The following MOB3B variants were observed in gnomAD, a reference collection of about 807,000 sequenced individuals.
MOB3B encodes MOB kinase activator-like 2B.
MOB3B carries 7 observed loss-of-function variants against 18.7 expected under a neutral mutation model. The observed-to-expected ratio is 0.37, with a 90% CI of 0.21 to 0.70. The LOEUF (loss-of-function observed/expected upper bound fraction) is 0.70. MOB3B is among the 30% of genes least tolerant of loss of function. The pLI is 0.52. For synonymous variants in MOB3B, 111 were observed against 99.9 expected, an observed-to-expected ratio of 1.11 and a Z score of -0.66; for missense variants, 253 against 281.3, an observed-to-expected ratio of 0.90 and a Z score of 0.72.
chr9:27,352,148 A>G (rs1375597424), intron 3 of MOB3B, among the ~76,000 whole-genome samples: 1 of 152,202 alleles, frequency 6.6e-6, no homozygotes, highest in Non-Finnish European at 1.5e-5. Context: ...TGGGAGGTCA[A>G]GGCAGAAGGA....
At chr9:27,444,570 G>C (rs1010521413) in intron 2 of MOB3B, among the ~76,000 whole-genome samples, 3 of 152,072 alleles carry the variant, frequency 2.0e-5, no homozygotes, top group East Asian at 1.9e-4. Flanking sequence ...CAGAAAACAG[G>C]GAATTATAGA....
At chr9:27,421,097 T>C (rs959856418) in intron 2 of MOB3B, 4 of 148,630 alleles carry the variant, frequency 2.7e-5, no homozygotes, top group Non-Finnish European at 6.0e-5. Context: ...CTCACCTCCA[T>C]TTTTTTTTTT....
At chr9:27,470,487 C>A (rs1174607918) in intron 1 of MOB3B, among the ~76,000 whole-genome samples, 1 of 152,156 alleles carries the variant, frequency 6.6e-6, no homozygotes, top group Non-Finnish European at 1.5e-5. Context: ...CCATAATCCT[C>A]CAGCCTCCAG....
At chr9:27,338,949 C>A (rs1038883466) in intron 3 of MOB3B, among the ~76,000 whole-genome samples, 2 of 152,220 alleles carry the variant, frequency 1.3e-5, no homozygotes, top group Admixed American at 6.5e-5. Context: ...CCCTCAGTTG[C>A]ATCCTTGGTG....
intron 2 of MOB3B, among the ~76,000 whole-genome samples, chr9:27,365,951 C>T (rs1303038879): frequency 1.3e-5 from 2 of 152,204 alleles, no homozygotes; most frequent in Admixed American, 6.5e-5. Flanking sequence ...GAATCCAAAC[C>T]AATCACTGAT....
chr9:27,481,105 AAAG>A (rs1406364632), intron 1 of MOB3B, among the ~76,000 whole-genome samples: 1 of 152,210 alleles, frequency 6.6e-6, no homozygotes, highest in African/African-American at 2.4e-5. Context: ...CTAATCTCTG[AAAG>A]AATAAAACAG....
intron 3 of MOB3B, among the ~76,000 whole-genome samples, chr9:27,357,891 A>AAAAAAAAAAAAAAAAT (rs1268411700): frequency 3.4e-5 from 1 of 29,600 alleles, no homozygotes; most frequent in Non-Finnish European, 7.0e-5. Context: ...ATCGCTACAA[A>AAAAAAAAAAAAAAAAT]AAAAAAAAAA....
intron 2 of MOB3B, among the ~76,000 whole-genome samples, chr9:27,414,544 A>C (rs1416798768): frequency 6.6e-6 from 1 of 152,210 alleles, no homozygotes. Context: ...TTAGGTTTAA[A>C]ATGTCAGACT....
chr9:27,491,542 T>C (rs1434308548), intron 1 of MOB3B, among the ~76,000 whole-genome samples: 2 of 152,188 alleles, frequency 1.3e-5, no homozygotes, highest in African/African-American at 4.8e-5. Flanking sequence ...TCAACCATTC[T>C]TTTTCCATAT....
intron 1 of MOB3B, among the ~76,000 whole-genome samples, chr9:27,515,805 A>AC (rs1336336252): frequency 6.6e-6 from 1 of 152,200 alleles, no homozygotes; most frequent in Non-Finnish European, 1.5e-5. Flanking sequence ...GGCTCCCTGT[A>AC]CCATATCCCC....
At chr9:27,473,846 T>C (rs191386554) in intron 1 of MOB3B, among the ~76,000 whole-genome samples, 196 of 152,328 alleles carry the variant, frequency 1.3e-3, no homozygotes, top group African/African-American at 4.4e-3. Flanking sequence ...TGCAATAGAC[T>C]ACATGTGTTC....
intron 2 of MOB3B, among the ~76,000 whole-genome samples, chr9:27,418,091 C>CAACA (rs1491155622): frequency 2.3e-5 from 1 of 44,062 alleles, no homozygotes; most frequent in East Asian, 8.9e-4. Context: ...GACTCCACCT[C>CAACA]AAAAAAAAAA....
At chr9:27,452,083 T>C (rs1275582968) in intron 2 of MOB3B, among the ~76,000 whole-genome samples, 1 of 152,136 alleles carries the variant, frequency 6.6e-6, no homozygotes, top group African/African-American at 2.4e-5. Context: ...GCAGGAAATA[T>C]CCAGGAATGA....
At chr9:27,411,791 C>G (rs1278824279) in intron 2 of MOB3B, among the ~76,000 whole-genome samples, 1 of 152,142 alleles carries the variant, frequency 6.6e-6, no homozygotes, top group Admixed American at 6.5e-5. Flanking sequence ...ACCCATAGAA[C>G]TATACACAAC....
At chr9:27,367,489 A>T (rs1821356883) in intron 2 of MOB3B, among the ~76,000 whole-genome samples, 2 of 152,206 alleles carry the variant, frequency 1.3e-5, no homozygotes, top group South Asian at 4.1e-4. Flanking sequence ...CCCATTTATG[A>T]TTCCAGCTGT....
At chr9:27,439,625 G>A (rs1822564420) in intron 2 of MOB3B, among the ~76,000 whole-genome samples, 1 of 152,152 alleles carries the variant, frequency 6.6e-6, no homozygotes. Context: ...CTTCTGCAGG[G>A]ACCTCATGCT....
chr9:27,455,668 A>T lies in MOB3B; in HGVS notation c.-118T>A. ...GCCAGCACTCAGGCCCCAGTCTTAC[A>T]GCCTGTAGCTTTTAAGCTCTTCTAA... On this transcript the variant is annotated 5_prime_UTR_variant, in exon 2 of 4. Transcript: ENST00000262244. 1 of 1,538,808 alleles carries T rather than the reference A, an allele frequency of 6.5e-7. No homozygotes were observed. The highest frequency in any genetic ancestry group is 8.7e-7 in the Non-Finnish European group (1 of 1,154,772).
At chr9:27,461,901 A>C (rs1011061324) in intron 1 of MOB3B, among the ~76,000 whole-genome samples, 1 of 152,234 alleles carries the variant, frequency 6.6e-6, no homozygotes. Context: ...AGAGTAAAAG[A>C]AAAGAGTGGG....
chr9:27,352,346 T>C (rs1821117510), intron 3 of MOB3B, among the ~76,000 whole-genome samples: 1 of 135,200 alleles, frequency 7.4e-6, no homozygotes, highest in Non-Finnish European at 1.5e-5. Context: ...CACACCAGCC[T>C]GGGTGACAGA....
Sources: allele counts gnomAD v4.1 joint callset (sites outside exome capture counted in the v4.1 genomes callset), GRCh38; gene constraint gnomAD v4.1.1; transcripts MANE v1.5; gene names NCBI Gene and HGNC (gene_info 2026-07-23, HGNC 2026-07-21).